Variants in TP73 observed in about 807,000 individuals in gnomAD.
The protein encoded by TP73 is p53-like transcription factor.
In TP73, 25 loss-of-function variants were observed where a neutral mutation model predicts 62.5. The ratio of observed to expected loss-of-function variants is 0.40; its 90% confidence interval spans 0.29 to 0.56. The LOEUF (loss-of-function observed/expected upper bound fraction) is 0.56. Among genes scored for constraint, TP73 ranks in the 20% least tolerant of loss-of-function variants. TP73 has a pLI of 0.46. For missense variants in TP73, 754 were observed against 913.3 expected (o/e 0.83, Z 2.25); for synonymous variants, 423 against 377.5 (o/e 1.12, Z -1.40).
At chr1:3,725,936 G>A (rs1383169022) in intron 6 of TP73, among the ~76,000 whole-genome samples, 1 of 130,120 alleles carries the variant, frequency 7.7e-6, no homozygotes, top group Non-Finnish European at 1.6e-5. Flanking sequence ...TTGGATGGAT[G>A]GACAGATAAT....
Position 3,714,526 on chromosome 1 carries a change from A to G in TP73, c.429+6735A>G, listed in dbSNP as rs527608728. Among the ~76,000 whole-genome samples the G allele has an allele frequency of 7.9e-5, 12 of 152,358 alleles. No homozygotes were observed. In the South Asian group the frequency reaches 2.5e-3, roughly 32 times the overall value. Reference sequence around the variant, plus strand: ...GGGCCCTCTCTGCAGTGAGCAGAGCAGGCCTGTTGCCAGCCTGCTGGGCCC... The same window carrying G: ...GGGCCCTCTCTGCAGTGAGCAGAGCGGGCCTGTTGCCAGCCTGCTGGGCCC... On this transcript the variant is annotated intron_variant, in intron 4 of 13. Coordinates refer to ENST00000378295, the MANE Select transcript of TP73 (RefSeq NM_005427.4).
intron 1 of TP73, among the ~76,000 whole-genome samples, chr1:3,665,289 A>G (rs1645085499): frequency 6.6e-6 from 1 of 152,186 alleles, no homozygotes; most frequent in African/African-American, 2.4e-5. Context: ...TCGAGTTGTG[A>G]AAGTCCCCCC....
intron 3 of TP73, among the ~76,000 whole-genome samples, chr1:3,705,093 G>A (rs946941223): frequency 6.6e-6 from 1 of 152,244 alleles, no homozygotes; most frequent in African/African-American, 2.4e-5. Context: ...CTGGAGGGCA[G>A]TGGCGTGATC....
chr1:3,722,766 T>C (rs1202459031), intron 5 of TP73, among the ~76,000 whole-genome samples: 1 of 114,162 alleles, frequency 8.8e-6, no homozygotes, highest in Non-Finnish European at 1.8e-5. Context: ...GCACCTTTCT[T>C]CACCTGGCAT....
chr1:3,665,883 C>T (rs1457842777), intron 1 of TP73, among the ~76,000 whole-genome samples: 1 of 146,990 alleles, frequency 6.8e-6, no homozygotes, highest in Non-Finnish European at 1.5e-5. Context: ...ACCTGTAATC[C>T]CAGCACTTTG....
rs376148340 is a variant in TP73 at position 3,711,954 on chromosome 1, G to C, written c.429+4163G>C. Reference sequence around the variant, plus strand: ...CCCCGTCCAGGAGGGACATATGGAAGGACGGCCAGGGAAGCACAAAGGCTC... The same window carrying C: ...CCCCGTCCAGGAGGGACATATGGAACGACGGCCAGGGAAGCACAAAGGCTC... On this transcript the variant is annotated intron_variant, in intron 4 of 13. Transcript: ENST00000378295. Among the ~76,000 whole-genome samples the C allele has an allele frequency of 7.6e-4, 116 of 152,270 alleles. 5 individuals are homozygous for C. The South Asian group carries it at 0.019, about 25-fold the overall frequency.
At position 3,662,792 on chromosome 1, in the gene TP73, G is replaced by A. The variant is rs995738175; in HGVS notation, c.-34+10151G>A. ...CCTAGAGGGGCCTCTATGGGCCTTG[G>A]AGATGGAATCAGCTCCCCACCAGGC... On this transcript the variant is annotated intron_variant, in intron 1 of 13. Coordinates refer to ENST00000378295, the MANE Select transcript of TP73 (RefSeq NM_005427.4). The surrounding 1 kb of genome is among the most constrained non-coding windows in gnomAD (Gnocchi z 4.4). Among the ~76,000 whole-genome samples, 1 of 152,140 alleles carries A rather than the reference G, an allele frequency of 6.6e-6. No individual in the cohort carries two copies. Among genetic ancestry groups the A allele is most frequent in the Non-Finnish European group, 1.5e-5 (1 of 68,026 alleles).
chr1:3,709,864 A>G (rs1275180490), intron 4 of TP73, among the ~76,000 whole-genome samples: 3 of 152,122 alleles, frequency 2.0e-5, no homozygotes, highest in Non-Finnish European at 4.4e-5. Flanking sequence ...GGTCTTCACC[A>G]TGCTTGGAAT....
In TP73 at chr1:3,729,348, G is replaced by A; in HGVS notation, c.1096G>A (p.Glu366Lys). ...TCAGGTGCGAGGCCGGGAGAACTTT[G>A]AGATCCTGATGAAGCTGAAAGAGAG... is the stretch of plus-strand genomic sequence containing the variant. ...YLQVRGRENF[E>K]ILMKLKESLE... The change falls in exon 10 of 14, where the codon GAG becomes AAG. Residue 366 changes from glutamate (E) to lysine (K), a missense_variant. Glu to Lys is a moderately conservative substitution (Grantham distance 56, BLOSUM62 1). Coordinates refer to ENST00000378295, the MANE Select transcript of TP73 (RefSeq NM_005427.4). 6.2e-7 allele frequency: 1 copy of A among 1,613,272 alleles called. No individual in the cohort carries two copies. The highest frequency in any genetic ancestry group is 1.1e-5 in the South Asian group (1 of 91,084).
At chr1:3,656,579 A>G (rs570849861) in intron 1 of TP73, among the ~76,000 whole-genome samples, 1 of 152,236 alleles carries the variant, frequency 6.6e-6, no homozygotes, top group Non-Finnish European at 1.5e-5. Flanking sequence ...TGAGGCTTCA[A>G]CTGGCTATTC....
intron 3 of TP73, among the ~76,000 whole-genome samples, chr1:3,704,572 G>A (rs554349562): frequency 1.1e-4 from 16 of 152,352 alleles, no homozygotes; most frequent in African/African-American, 1.7e-4. Context: ...GCTCCTGCCC[G>A]TGTGGCCAGG....
At chr1:3,680,620 G>A (rs1645497115) in intron 1 of TP73, among the ~76,000 whole-genome samples, 1 of 152,226 alleles carries the variant, frequency 6.6e-6, no homozygotes, top group Admixed American at 6.5e-5. Context: ...TGCACCAAGA[G>A]GCTACCCTAC....
At position 3,707,719 on chromosome 1, in the gene TP73, C is replaced by G. The variant is rs552898942; in HGVS notation, c.357C>G (p.Thr119=). The change falls in exon 4 of 14, where the codon ACC becomes ACG. Residue 119 remains threonine (T), a synonymous_variant. Transcript: ENST00000378295. The stretch of plus-strand genomic sequence containing the variant: ...CGGCGCCTGTCATCCCCTCCAACAC[C>G]GACTACCCCGGACCCCACCACTTTG... ...MSPAPVIPSN[T]DYPGPHHFEV... is the part of the protein sequence containing the mutation. 8 of 1,613,176 alleles carry G rather than the reference C, an allele frequency of 5.0e-6. No homozygotes were observed. Among genetic ancestry groups the G allele is most frequent in the Middle Eastern group, 1.6e-4 (1 of 6,084 alleles).
At chr1:3,655,396 C>T (rs1182282091) in intron 1 of TP73, among the ~76,000 whole-genome samples, 1 of 152,124 alleles carries the variant, frequency 6.6e-6, no homozygotes, top group East Asian at 1.9e-4. Context: ...CAAAAAAACA[C>T]GCAAAAAATA....
rs757455947 is a variant in TP73 at position 3,707,639 on chromosome 1, G to A, written c.277G>A (p.Val93Met). Residue 93 changes from valine (V) to methionine (M), a missense_variant, in exon 4 of 14, where the codon GTG becomes ATG. Transcript: ENST00000378295. The stretch of plus-strand genomic sequence containing the variant: ...CTACACCCCAGAGCACGCCGCCAGC[G>A]TGCCCACCCACTCGCCCTACGCACA... ...SPYTPEHAAS[V>M]PTHSPYAQPS... is the part of the protein sequence containing the mutation. 29 of 1,612,846 alleles carry A rather than the reference G, an allele frequency of 1.8e-5. No individual in the cohort carries two copies. Among genetic ancestry groups the A allele is most frequent in the Admixed American group, 3.3e-5 (2 of 59,994 alleles).
At chr1:3,709,744 C>A (rs1639977030) in intron 4 of TP73, among the ~76,000 whole-genome samples, 2 of 152,234 alleles carry the variant, frequency 1.3e-5, no homozygotes, top group Admixed American at 1.3e-4. Flanking sequence ...GACCTCCTGC[C>A]CTGGGGTTTA....
intron 3 of TP73, chr1:3,690,798 G>C: frequency 6.5e-7 from 1 of 1,528,104 alleles, no homozygotes; most frequent in South Asian, 1.2e-5. Context: ...CTCGGTCCAC[G>C]CTGCCGGGCG....
At chr1:3,707,254 C>G (rs2124390845) in intron 3 of TP73, among the ~76,000 whole-genome samples, 1 of 152,302 alleles carries the variant, frequency 6.6e-6, no homozygotes, top group South Asian at 2.1e-4. Context: ...GGAGCCTCCC[C>G]CACCCGACGC....
chr1:3,681,792 G>A lies in TP73; in HGVS notation c.-33-541G>A, dbSNP rs569304387. On this transcript the variant is annotated intron_variant, in intron 1 of 13. Transcript: ENST00000378295. Reference sequence around the variant, plus strand: ...GGGACCGGAGCCACCTCCAGGTCCCGGGCATCAGGGAGACCCCAAACCTGG... The same window carrying A: ...GGGACCGGAGCCACCTCCAGGTCCCAGGCATCAGGGAGACCCCAAACCTGG... 9.2e-5 allele frequency among the ~76,000 whole-genome samples: 14 copies of A among 152,160 alleles called. No individual in the cohort carries two copies. In the East Asian group the frequency reaches 2.1e-3, roughly 23 times the overall value.
Sources: gnomAD v4.1 joint callset for allele counts (sites outside exome capture counted in the v4.1 genomes callset) on GRCh38, gnomAD v4.1.1 for gene constraint, Gnocchi (gnomAD v3.1) non-coding constraint, MANE v1.5 for transcripts, NCBI Gene and HGNC (gene_info 2026-07-23, HGNC 2026-07-21) for gene names.